SEPTIN7: variants seen among roughly 807,000 people sequenced by gnomAD.
SEPTIN7 encodes septin-7.
In SEPTIN7, 10 loss-of-function variants were observed where a neutral mutation model predicts 63.3. The observed-to-expected ratio is 0.16, with a 90% CI of 0.10 to 0.27. SEPTIN7 has a LOEUF of 0.27. Ranked by LOEUF, SEPTIN7 falls within the 10% of genes least tolerant of loss-of-function variation. The pLI is 1.00. For missense variants in SEPTIN7, 310 were observed against 521.0 expected (o/e 0.59, Z 3.94); for synonymous variants, 131 against 165.3 (o/e 0.79, Z 1.59).
At chr7:35,914,459 A>G in the SEPTIN7 span, among the ~76,000 whole-genome samples, 3 of 152,192 alleles carry the variant, frequency 2.0e-5, no homozygotes, top group Admixed American at 6.5e-5. Flanking sequence ...ACCTCCCCCA[A>G]GGAAGAAGGA....
At position 35,905,471 on chromosome 7, in the gene SEPTIN7, ATC is replaced by A. The variant is rs1229339496; in HGVS notation, c.*1184_*1185del. 1 of 152,010 alleles carries A rather than the reference ATC, an allele frequency of 6.6e-6. No individual in the cohort carries two copies. The highest frequency in any genetic ancestry group is 2.4e-5 in the African/African-American group (1 of 41,376). The allele number at this position is 152,010 out of a possible 1,614,324, so 9.4% of individuals were successfully genotyped here. A position where few individuals can be genotyped will look rare whatever the true frequency, so the allele number is the denominator to read the frequency against. Reference sequence around the variant, plus strand: ...GATTTTCTAATTTAAGAGATACCATATCTCTCTATTCATTTCTATCTCTCATT... The same window carrying A: ...GATTTTCTAATTTAAGAGATACCATATCTCTATTCATTTCTATCTCTCATT... On this transcript the variant is annotated 3_prime_UTR_variant, in exon 14 of 14. Coordinates refer to ENST00000350320, the MANE Select transcript of SEPTIN7 (RefSeq NM_001788.6).
Position 35,861,164 on chromosome 7 carries a change from C to G in SEPTIN7, c.170-2388C>G, listed in dbSNP as rs548480664. Among the ~76,000 whole-genome samples the G allele has an allele frequency of 2.6e-5, 4 of 152,176 alleles. No individual in the cohort carries two copies. In the East Asian group the frequency reaches 7.7e-4, roughly 29 times the overall value. The stretch of plus-strand genomic sequence containing the variant: ...TCTACAGTTTGTTTTTATAATTTCT[C>G]TTTATTGATATTCTCATTTTGCTCA... On this transcript the variant is annotated intron_variant, in intron 3 of 13. Transcript: ENST00000350320.
At chr7:35,881,626 C>G (rs1357007782) in intron 7 of SEPTIN7, among the ~76,000 whole-genome samples, 3 of 151,202 alleles carry the variant, frequency 2.0e-5, no homozygotes, top group Non-Finnish European at 3.0e-5. Context: ...ACAATTTGTT[C>G]AGGGTCCTTT....
intron 11 of SEPTIN7, among the ~76,000 whole-genome samples, chr7:35,892,524 AT>A (rs1374831839): frequency 6.6e-6 from 1 of 152,136 alleles, no homozygotes; most frequent in African/African-American, 2.4e-5. Context: ...ACTAGTACAT[AT>A]TTTTTGTTAA....
intron 1 of SEPTIN7, among the ~76,000 whole-genome samples, chr7:35,822,745 C>A (rs77540215): frequency 0.01 from 1,565 of 152,276 alleles, 32 homozygotes; most frequent in East Asian, 0.08. Context: ...TTCCATGATA[C>A]AACACTGGTC....
At chr7:35,907,439 T>TA (rs985607640), downstream of SEPTIN7, among the ~76,000 whole-genome samples, 23 of 152,168 alleles carry the variant, frequency 1.5e-4, no homozygotes, top group Admixed American at 1.3e-3. Flanking sequence ...AGTTATCTCT[T>TA]AAGGTAACTT....
chr7:35,852,846 G>C (rs1008240369), intron 3 of SEPTIN7, among the ~76,000 whole-genome samples: 2 of 152,060 alleles, frequency 1.3e-5, no homozygotes, highest in Non-Finnish European at 2.9e-5. Context: ...TGAGGTACTC[G>C]ATTGAGTACT....
At chr7:35,913,564 TTTCTTTCCTTCCTTCC>T in the SEPTIN7 span, among the ~76,000 whole-genome samples, 59 of 150,004 alleles carry the variant, frequency 3.9e-4, no homozygotes, top group Non-Finnish European at 5.9e-4. Context: ...TCCTTCCTTC[TTTCTTTCCTTCCTTCC>T]TTCTTTCCTT....
At chr7:35,806,302 A>T (rs1467177913) in intron 1 of SEPTIN7, among the ~76,000 whole-genome samples, 1 of 152,224 alleles carries the variant, frequency 6.6e-6, no homozygotes, top group African/African-American at 2.4e-5. Context: ...TTTTTGTATT[A>T]AAAGTTTATC....
chr7:35,830,967 A>G (rs1443462183), intron 1 of SEPTIN7, among the ~76,000 whole-genome samples: 2 of 152,112 alleles, frequency 1.3e-5, no homozygotes, highest in African/African-American at 4.8e-5. Flanking sequence ...TTGTATAAAA[A>G]GGTTTTAACC....
At chr7:35,880,233 T>C (rs1257466182) in intron 7 of SEPTIN7, among the ~76,000 whole-genome samples, 5 of 145,808 alleles carry the variant, frequency 3.4e-5, no homozygotes, top group Non-Finnish European at 7.5e-5. Context: ...CTTTTTTTTT[T>C]TTTTTTTTTT....
intron 4 of SEPTIN7, among the ~76,000 whole-genome samples, chr7:35,864,453 T>C (rs995181977): frequency 6.6e-6 from 1 of 152,176 alleles, no homozygotes; most frequent in African/African-American, 2.4e-5. Flanking sequence ...CAGCAGCCTG[T>C]AGCCACATGT....
intron 1 of SEPTIN7, among the ~76,000 whole-genome samples, chr7:35,818,833 T>A (rs2115774058): frequency 6.6e-6 from 1 of 152,130 alleles, no homozygotes; most frequent in East Asian, 1.9e-4. Flanking sequence ...CATTCCTGAT[T>A]TTAGTAATTT....
intron 11 of SEPTIN7, among the ~76,000 whole-genome samples, chr7:35,892,796 T>A (rs558746226): frequency 2.0e-5 from 3 of 152,124 alleles, no homozygotes; most frequent in Non-Finnish European, 4.4e-5. Context: ...ACTGGAAATA[T>A]ATCTCTTAAA....
intron 4 of SEPTIN7, among the ~76,000 whole-genome samples, chr7:35,868,636 G>A (rs2116190490): frequency 6.6e-6 from 1 of 152,226 alleles, no homozygotes; most frequent in East Asian, 1.9e-4. Flanking sequence ...GGGATACCTA[G>A]GAGTGAGTAT....
Position 35,886,782 on chromosome 7 carries a change from A to T in SEPTIN7, c.872+903A>T, listed in dbSNP as rs563684401. ...GAAAGGTAGTTACATAAATATGGAT[A>T]ATAGTTGGAAATCATGGAATAACAA... On this transcript the variant is annotated intron_variant, in intron 10 of 13. Coordinates refer to ENST00000350320, the MANE Select transcript of SEPTIN7 (RefSeq NM_001788.6). Among the ~76,000 whole-genome samples, 202 of 152,352 alleles carry T rather than the reference A, an allele frequency of 1.3e-3. 1 individual carries two copies. The highest frequency in any genetic ancestry group is 2.6e-3 in the Non-Finnish European group (178 of 68,032).
chr7:35,887,546 C>T (rs1787337302), intron 10 of SEPTIN7, among the ~76,000 whole-genome samples: 1 of 152,156 alleles, frequency 6.6e-6, no homozygotes, highest in Non-Finnish European at 1.5e-5. Flanking sequence ...AGGGTTTCAC[C>T]GTGTTGGCCA....
rs1562589613 is a variant in SEPTIN7 at position 35,897,916 on chromosome 7, ATG to A, written c.999-330_999-329del. On this transcript the variant is annotated intron_variant, in intron 11 of 13. Transcript: ENST00000350320. Reference sequence around the variant, plus strand: ...CTCATTTTCTATTTTTCATGGTAAAATGTTGTTTGAAGAACAAAATTAAATTA... The same window carrying A: ...CTCATTTTCTATTTTTCATGGTAAAATTGTTTGAAGAACAAAATTAAATTA... Among the ~76,000 whole-genome samples the A allele has an allele frequency of 1.3e-4, 20 of 152,176 alleles. No homozygotes were observed. The South Asian group carries it at 3.9e-3, about 30-fold the overall frequency.
intron 3 of SEPTIN7, among the ~76,000 whole-genome samples, chr7:35,861,105 T>C (rs1785481423): frequency 6.6e-6 from 1 of 152,198 alleles, no homozygotes; most frequent in Non-Finnish European, 1.5e-5. Context: ...ATTGAACCTA[T>C]ATAGTGAAAT....
Sources: gnomAD v4.1 joint callset for allele counts (sites outside exome capture counted in the v4.1 genomes callset) on GRCh38, gnomAD v4.1.1 for gene constraint, MANE v1.5 for transcripts, NCBI Gene and HGNC (gene_info 2026-07-23, HGNC 2026-07-21) for gene names.